SNX6: variants seen among roughly 807,000 people sequenced by gnomAD.
SNX6 encodes sorting nexin 6, also known as sorting nexin-6.
Under a neutral mutation model 63.0 loss-of-function variants are expected in SNX6, and 34 were observed. The ratio of observed to expected loss-of-function variants is 0.54; its 90% CI spans 0.41 to 0.72. SNX6 has a LOEUF of 0.72. Among genes scored for constraint, SNX6 ranks in the 30% least tolerant of loss-of-function variants. The pLI, the probability that SNX6 is intolerant of heterozygous loss-of-function variation, is 0.00. For synonymous variants in SNX6, 170 were observed against 164.2 expected (o/e 1.04, Z -0.27); for missense variants, 398 against 471.4 (o/e 0.84, Z 1.44).
At chr14:34,583,907 G>A (rs1464996266) in intron 9 of SNX6, among the ~76,000 whole-genome samples, 1 of 148,982 alleles carries the variant, frequency 6.7e-6, no homozygotes, top group Non-Finnish European at 1.5e-5. Flanking sequence ...GAGTACAATG[G>A]CGCAATCTCG....
At chr14:34,593,236 A>T in intron 7 of SNX6, 86 bp from the exon 8 acceptor site, 1 of 807,930 alleles carries the variant, frequency 1.2e-6, no homozygotes, top group Non-Finnish European at 1.9e-6. Flanking sequence ...AATATAAAAG[A>T]TCATCAGTAA....
chr14:34,602,020 C>T (rs1033975204), intron 6 of SNX6, among the ~76,000 whole-genome samples: 3 of 150,348 alleles, frequency 2.0e-5, no homozygotes, highest in Non-Finnish European at 4.4e-5. Flanking sequence ...AGGCCAGGTG[C>T]GGCTCACGCC....
chr14:34,610,957 C>G (rs993963641), intron 2 of SNX6, among the ~76,000 whole-genome samples: 19 of 152,024 alleles, frequency 1.2e-4, no homozygotes, highest in African/African-American at 4.3e-4. Context: ...ATTGTTTACT[C>G]AATGATTTCA....
At chr14:34,620,170 CTCTTT>C in intron 2 of SNX6, among the ~76,000 whole-genome samples, 1 of 152,304 alleles carries the variant, frequency 6.6e-6, no homozygotes, top group African/African-American at 2.4e-5. Context: ...TGCTCAGCTC[CTCTTT>C]TGATTCCCTG....
intron 11 of SNX6, among the ~76,000 whole-genome samples, chr14:34,571,394 C>T (rs148844830): frequency 3.9e-5 from 6 of 151,976 alleles, no homozygotes; most frequent in Admixed American, 2.6e-4. Flanking sequence ...GATCATGCCA[C>T]GGCACTCCAG....
chr14:34,567,966 A>G lies in SNX6; in HGVS notation c.969T>C (p.Ala323=), dbSNP rs1326582656. 8.1e-6 allele frequency: 13 copies of G among 1,612,438 alleles called. No individual in the cohort carries two copies. Among genetic ancestry groups the G allele is most frequent in the Non-Finnish European group, 1.0e-5 (12 of 1,179,988 alleles). ...CTCTTGCTTTATCCAGTGCTTTATT[A>G]GCATTTTCATAATCCACTAGTGACC... ...RSRSLVDYEN[A]NKALDKARAK... The change falls in exon 12 of 14, where the codon GCT becomes GCC. Residue 323 remains alanine, a synonymous_variant. Transcript: ENST00000362031.
intron 11 of SNX6, among the ~76,000 whole-genome samples, chr14:34,569,534 C>A (rs1881346426): frequency 6.6e-6 from 1 of 151,986 alleles, no homozygotes; most frequent in South Asian, 2.1e-4. Flanking sequence ...TCAAGTGATT[C>A]TCCTGCCTCA....
chr14:34,628,860 A>C (rs1883927867), intron 2 of SNX6, among the ~76,000 whole-genome samples: 1 of 152,132 alleles, frequency 6.6e-6, no homozygotes, highest in Non-Finnish European at 1.5e-5. Context: ...GGTAATTATC[A>C]TATATCAACA....
At position 34,602,552 on chromosome 14, in the gene SNX6, C is replaced by T. The variant is rs565691464; in HGVS notation, c.516+796G>A. Among the ~76,000 whole-genome samples the T allele has an allele frequency of 5.5e-5, 8 of 146,536 alleles. No homozygotes were observed. In the East Asian group the frequency reaches 6.0e-4, roughly 11 times the overall value. On this transcript the variant is annotated intron_variant, in intron 6 of 13. Coordinates refer to ENST00000362031, the MANE Select transcript of SNX6 (RefSeq NM_152233.4). ...GTCACAGTGAGCCAAGATTGCGCCA[C>T]GGCACTTCAGCCTGGACGACAGAGC...
At chr14:34,629,373 C>A (rs1883948941) in intron 2 of SNX6, 1 of 404,590 alleles carries the variant, frequency 2.5e-6, no homozygotes, top group Non-Finnish European at 5.1e-6. Flanking sequence ...GGGCTACCTG[C>A]ACTTTGCATA....
At chr14:34,574,386 T>A (rs1333371835) in intron 11 of SNX6, among the ~76,000 whole-genome samples, 1 of 150,200 alleles carries the variant, frequency 6.7e-6, no homozygotes, top group Non-Finnish European at 1.5e-5. Flanking sequence ...ATGTGGCTCA[T>A]GCCTGTTAAT....
In SNX6 at chr14:34,603,491, T is replaced by C. The variant is rs1391867834; in HGVS notation, c.393-20A>G. ...TATTCACTAGAAACAATATACAAAA[T>C]TAAAGGTAAAAAACTCCATCAACTA... On this transcript the variant is annotated intron_variant, in intron 5 of 13. Coordinates refer to ENST00000362031, the MANE Select transcript of SNX6 (RefSeq NM_152233.4). 1 of 1,546,450 alleles carries C rather than the reference T, an allele frequency of 6.5e-7. No homozygotes were observed. The highest frequency in any genetic ancestry group is 1.4e-5 in the African/African-American group (1 of 71,896).
chr14:34,629,585 G>T, intron 2 of SNX6: 1 of 619,068 alleles, frequency 1.6e-6, no homozygotes, highest in Non-Finnish European at 3.0e-6. Flanking sequence ...TGTCGAGGGA[G>T]GGTGGGGGCG....
intron 10 of SNX6, among the ~76,000 whole-genome samples, chr14:34,581,027 G>A (rs1197552802): frequency 1.3e-5 from 2 of 152,132 alleles, no homozygotes; most frequent in East Asian, 3.8e-4. Context: ...ACTCCCAATG[G>A]AATCCAAATC....
chr14:34,620,976 TCTCA>T (rs1182958310), intron 2 of SNX6, among the ~76,000 whole-genome samples: 1 of 152,002 alleles, frequency 6.6e-6, no homozygotes, highest in Non-Finnish European at 1.5e-5. Context: ...GTGACGGGCG[TCTCA>T]CTCTGTCACC....
chr14:34,565,890 C>T (rs916645659), intron 13 of SNX6, among the ~76,000 whole-genome samples: 2 of 151,780 alleles, frequency 1.3e-5, no homozygotes, highest in Non-Finnish European at 2.9e-5. Context: ...GGGGTTCCAC[C>T]GTGTTAGCCA....
chr14:34,569,166 A>G, intron 11 of SNX6: 1 of 756,708 alleles, frequency 1.3e-6, no homozygotes, highest in Non-Finnish European at 2.4e-6. Flanking sequence ...GCCAGGGGAA[A>G]GGGCTCAGTC....
intron 11 of SNX6, among the ~76,000 whole-genome samples, chr14:34,571,542 A>T (rs1330879131): frequency 2.0e-5 from 3 of 152,228 alleles, no homozygotes. Flanking sequence ...TTCCAACTAT[A>T]TAACATTCTA....
chr14:34,586,267 A>G lies in SNX6; in HGVS notation c.757T>C (p.Tyr253His). 1 of 1,609,108 alleles carries G rather than the reference A, an allele frequency of 6.2e-7. No individual in the cohort carries two copies. Among genetic ancestry groups the G allele is most frequent in the Non-Finnish European group, 8.5e-7 (1 of 1,175,768 alleles). The change falls in exon 9 of 14, where the codon TAT (tyrosine) becomes CAT (histidine). Residue 253 changes from tyrosine to histidine, a missense_variant. Transcript: ENST00000362031. ...GTAGAATCCTGAGTTCCTAAAGCAT[A>G]TAATGAAGAACCAATTCTATTGTAA... Reference protein sequence around the residue: ...DDYNRIGSSLYALGTQDSTDI... With the variant: ...DDYNRIGSSLHALGTQDSTDI...
Sources: allele counts gnomAD v4.1 joint callset (sites outside exome capture counted in the v4.1 genomes callset), GRCh38; gene constraint gnomAD v4.1.1; transcripts MANE v1.5; gene names NCBI Gene and HGNC (gene_info 2026-07-23, HGNC 2026-07-21).